SLC36A1: variants seen among roughly 807,000 people sequenced by gnomAD.
SLC36A1 encodes the protein proton-coupled amino acid transporter 1.
Under a neutral mutation model 47.5 loss-of-function variants are expected in SLC36A1, and 30 were observed. The ratio of observed to expected loss-of-function variants is 0.63; its 90% CI spans 0.47 to 0.86. SLC36A1 has a LOEUF of 0.86. SLC36A1 is among the 40% of genes least tolerant of loss of function. The probability of loss-of-function intolerance (pLI) is 0.00; values close to 1 mark genes in which losing one functional copy is unlikely to be tolerated. For missense variants in SLC36A1, 517 were observed against 606.0 expected (o/e 0.85, Z 1.54); for synonymous variants, 255 against 249.7 (o/e 1.02, Z -0.20).
the SLC36A1 span, among the ~76,000 whole-genome samples, chr5:151,380,144 G>T: frequency 6.6e-6 from 1 of 152,050 alleles, no homozygotes; most frequent in Non-Finnish European, 1.5e-5. Context: ...AAGACAAGAA[G>T]ACACAGATTA....
chr5:151,416,917 A>T, the SLC36A1 span, among the ~76,000 whole-genome samples: 16 of 152,102 alleles, frequency 1.1e-4, no homozygotes, highest in South Asian at 4.1e-4. Flanking sequence ...TTCTCATGAG[A>T]TCCTATGGTT....
the SLC36A1 span, chr5:151,540,885 C>T: frequency 3.5e-6 from 3 of 852,926 alleles, no homozygotes; most frequent in South Asian, 4.3e-5. Flanking sequence ...CATTTCCTTC[C>T]TTAACTAGGA....
At chr5:151,358,898 C>T in the SLC36A1 span, among the ~76,000 whole-genome samples, 2 of 143,364 alleles carry the variant, frequency 1.4e-5, no homozygotes, top group Non-Finnish European at 3.0e-5. Flanking sequence ...GGCGTGAACC[C>T]GGGAAGCGGA....
chr5:151,492,724 T>C (rs1760216263), downstream of SLC36A1, among the ~76,000 whole-genome samples: 1 of 152,194 alleles, frequency 6.6e-6, no homozygotes, highest in African/African-American at 2.4e-5. Context: ...CTAATCCAGG[T>C]GTTGCTGCGA....
the SLC36A1 span, among the ~76,000 whole-genome samples, chr5:151,358,286 G>T: frequency 6.8e-6 from 1 of 146,026 alleles, no homozygotes. Flanking sequence ...TTTTTTTTTT[G>T]TTGTTGAGAC....
the SLC36A1 span, among the ~76,000 whole-genome samples, chr5:151,411,439 A>G: frequency 1.4e-5 from 2 of 144,562 alleles, 1 homozygote; most frequent in Non-Finnish European, 3.0e-5. Context: ...AGCTGAACCA[A>G]TGAATTCCTT....
chr5:151,350,724 CAG>C, the SLC36A1 span, among the ~76,000 whole-genome samples: 1 of 151,952 alleles, frequency 6.6e-6, no homozygotes, highest in Non-Finnish European at 1.5e-5. Flanking sequence ...TTTTTTGAAA[CAG>C]AGTCTCACTC....
chr5:151,457,244 A>T (rs1754681497), intron 1 of SLC36A1, among the ~76,000 whole-genome samples: 1 of 151,802 alleles, frequency 6.6e-6, no homozygotes, highest in African/African-American at 2.4e-5. Flanking sequence ...GGTACTACCT[A>T]GCTGTTGCAG....
the SLC36A1 span, chr5:151,380,581 G>A: frequency 1.8e-6 from 1 of 547,428 alleles, no homozygotes; most frequent in East Asian, 5.0e-5. Flanking sequence ...GCGTCTGAAT[G>A]AGGACATCAG....
chr5:151,423,641 A>G, the SLC36A1 span, among the ~76,000 whole-genome samples: 7 of 152,324 alleles, frequency 4.6e-5, no homozygotes, highest in Middle Eastern at 3.4e-3. Flanking sequence ...TGGGAGAGAG[A>G]GATGAACAGA....
chr5:151,396,748 T>A, the SLC36A1 span, among the ~76,000 whole-genome samples: 10 of 152,202 alleles, frequency 6.6e-5, no homozygotes, highest in African/African-American at 2.4e-4. Flanking sequence ...TGACAAGCAC[T>A]GTGCTAAGGT....
chr5:151,464,307 C>T (rs554812494), intron 3 of SLC36A1, among the ~76,000 whole-genome samples: 3 of 152,268 alleles, frequency 2.0e-5, no homozygotes, highest in East Asian at 1.9e-4. Context: ...CTAAATCTCT[C>T]GAAAATGTGC....
In SLC36A1 at chr5:151,468,397, AAT is replaced by A. The variant is rs1230225702; in HGVS notation, c.723+479_723+480del. On this transcript the variant is annotated intron_variant, in intron 7 of 10. Coordinates refer to ENST00000243389, the MANE Select transcript of SLC36A1 (RefSeq NM_078483.4). ...TGTAATATATATTATGTACATGCAT[AAT>A]ATATATTATATAATGTATGTAATAT... Among the ~76,000 whole-genome samples the A allele has an allele frequency of 2.1e-5, 3 of 144,436 alleles. 1 individual carries two copies. The highest frequency in any genetic ancestry group is 2.1e-4 in the South Asian group (1 of 4,684). 94.8% of individuals were successfully genotyped at this position (144,436 alleles called of 152,430 possible). A position where few individuals can be genotyped will look rare whatever the true frequency, so the allele number is the denominator to read the frequency against.
chr5:151,378,997 C>G, the SLC36A1 span, among the ~76,000 whole-genome samples: 1 of 152,234 alleles, frequency 6.6e-6, no homozygotes, highest in Non-Finnish European at 1.5e-5. Context: ...ATAAATTACA[C>G]AATAAATAAT....
the SLC36A1 span, among the ~76,000 whole-genome samples, chr5:151,356,254 G>T: frequency 6.8e-6 from 1 of 147,320 alleles, no homozygotes; most frequent in South Asian, 2.1e-4. Context: ...CAGGAGAATC[G>T]CTTGAACCTG....
At chr5:151,476,438 G>A (rs555293770) in intron 8 of SLC36A1, 152 bp from the exon 9 acceptor site, 23 of 598,042 alleles carry the variant, frequency 3.8e-5, no homozygotes, top group Non-Finnish European at 5.6e-5. Context: ...AGAGCATAAC[G>A]TCTGATGAAA....
chr5:151,550,813 C>T, the SLC36A1 span: 13 of 1,613,734 alleles, frequency 8.1e-6, no homozygotes, highest in African/African-American at 4.0e-5. Context: ...GACTTCATAA[C>T]GAGTTTCCAG....
chr5:151,421,526 G>T, the SLC36A1 span, among the ~76,000 whole-genome samples: 9 of 150,868 alleles, frequency 6.0e-5, no homozygotes, highest in African/African-American at 2.2e-4. Context: ...ACAGACATGA[G>T]CCACCACGCC....
chr5:151,353,259 C>T, the SLC36A1 span, among the ~76,000 whole-genome samples: 1 of 152,126 alleles, frequency 6.6e-6, no homozygotes, highest in Non-Finnish European at 1.5e-5. Flanking sequence ...CTTCATTCTA[C>T]AAATTGTGAA....
Sources: allele counts gnomAD v4.1 joint callset (sites outside exome capture counted in the v4.1 genomes callset), GRCh38; gene constraint gnomAD v4.1.1; transcripts MANE v1.5; gene names NCBI Gene and HGNC (gene_info 2026-07-23, HGNC 2026-07-21).